Variants in ACTL8 observed in about 807,000 individuals in gnomAD.
ACTL8 encodes actin-like protein 8.
ACTL8 carries 3 observed loss-of-function variants against 9.3 expected under a neutral mutation model. The ratio of observed to expected loss-of-function variants is 0.32; its 90% CI spans 0.15 to 0.83. The LOEUF (loss-of-function observed/expected upper bound fraction) is 0.83. ACTL8 is among the 40% of genes least tolerant of loss of function. The pLI, the probability that ACTL8 is intolerant of heterozygous loss-of-function variation, is 0.57. For missense variants in ACTL8, 381 were observed against 492.2 expected (o/e 0.77, Z 2.14); for synonymous variants, 224 against 205.9 (o/e 1.09, Z -0.75).
intron 1 of ACTL8, among the ~76,000 whole-genome samples, chr1:17,799,437 T>G (rs1180201166): frequency 6.6e-6 from 1 of 152,148 alleles, no homozygotes; most frequent in Non-Finnish European, 1.5e-5. Flanking sequence ...TTATACACTT[T>G]GTCAATTTCC....
At chr1:17,809,418 A>T (rs747013117) in intron 1 of ACTL8, among the ~76,000 whole-genome samples, 2 of 152,088 alleles carry the variant, frequency 1.3e-5, no homozygotes, top group Non-Finnish European at 2.9e-5. Flanking sequence ...AGGCAAACAT[A>T]GGGGCTGAGG....
At chr1:17,822,481 C>T (rs1042912313) in intron 1 of ACTL8, among the ~76,000 whole-genome samples, 1 of 152,198 alleles carries the variant, frequency 6.6e-6, no homozygotes, top group Non-Finnish European at 1.5e-5. Context: ...CCTGTAGCTG[C>T]TGCCATGCTC....
rs140992223 is a variant in ACTL8, at chr1:17,782,994, C to T, written c.-25+27490C>T. On this transcript the variant is annotated intron_variant, in intron 1 of 2. Transcript: ENST00000375406. ...GGCTCACCATGTGTTTGCCAGCACA[C>T]ACCCAGTATGCCAGGCCAGCTGCTG... 1.6e-3 allele frequency among the ~76,000 whole-genome samples: 251 copies of T among 152,338 alleles called. 2 individuals carry two copies. The highest frequency in any genetic ancestry group is 5.5e-3 in the African/African-American group (228 of 41,564).
chr1:17,809,672 C>G (rs142592093), intron 1 of ACTL8, among the ~76,000 whole-genome samples: 1 of 151,806 alleles, frequency 6.6e-6, no homozygotes, highest in African/African-American at 2.4e-5. Flanking sequence ...ATCTAGGTTG[C>G]GTGCTCCTTA....
intron 1 of ACTL8, among the ~76,000 whole-genome samples, chr1:17,762,770 C>G (rs2066015960): frequency 6.6e-6 from 1 of 152,142 alleles, no homozygotes. Context: ...GCCCCCCGCC[C>G]CCCAAGGCCT....
chr1:17,813,613 C>T (rs115700012), intron 1 of ACTL8, among the ~76,000 whole-genome samples: 1,749 of 152,238 alleles, frequency 0.011, 24 homozygotes, highest in African/African-American at 0.04. Flanking sequence ...GCTTTTGGTT[C>T]AAGGTAATAC....
At chr1:17,808,319 G>C (rs573415490) in intron 1 of ACTL8, among the ~76,000 whole-genome samples, 42 of 152,176 alleles carry the variant, frequency 2.8e-4, no homozygotes, top group Non-Finnish European at 3.8e-4. Context: ...AACACACTAA[G>C]GCCTCTACCC....
intron 1 of ACTL8, among the ~76,000 whole-genome samples, chr1:17,820,036 GT>G (rs1178753455): frequency 6.6e-6 from 1 of 152,016 alleles, no homozygotes; most frequent in Non-Finnish European, 1.5e-5. Flanking sequence ...TTTACTAAAA[GT>G]TTACTCTAAA....
intron 1 of ACTL8, among the ~76,000 whole-genome samples, chr1:17,765,657 C>T (rs1321959824): frequency 6.6e-6 from 1 of 152,168 alleles, no homozygotes; most frequent in South Asian, 2.1e-4. Context: ...GTTGCTCCCT[C>T]GTAGCACGTC....
At chr1:17,768,386 G>A (rs2066061229) in intron 1 of ACTL8, among the ~76,000 whole-genome samples, 1 of 83,746 alleles carries the variant, frequency 1.2e-5, no homozygotes, top group Admixed American at 1.6e-4. Flanking sequence ...GTCCTGCCAA[G>A]ACTGCAGTTT....
At chr1:17,795,570 TAAA>T (rs11288030) in intron 1 of ACTL8, among the ~76,000 whole-genome samples, 1 of 151,934 alleles carries the variant, frequency 6.6e-6, no homozygotes. Flanking sequence ...TTAGGAGCAA[TAAA>T]AAAAGAAAAC....
intron 1 of ACTL8, among the ~76,000 whole-genome samples, chr1:17,795,427 G>T (rs989444077): frequency 6.6e-6 from 1 of 152,196 alleles, no homozygotes; most frequent in Non-Finnish European, 1.5e-5. Flanking sequence ...TGCAGGGTTC[G>T]TGTGAGGATT....
chr1:17,819,891 C>T (rs1405212910), intron 1 of ACTL8, among the ~76,000 whole-genome samples: 13 of 151,996 alleles, frequency 8.6e-5, no homozygotes, highest in Admixed American at 2.0e-4. Flanking sequence ...CACCTGTAGC[C>T]CCAGCTACCC....
At chr1:17,758,427 A>G (rs1265725422) in intron 1 of ACTL8, among the ~76,000 whole-genome samples, 2 of 152,208 alleles carry the variant, frequency 1.3e-5, no homozygotes, top group African/African-American at 2.4e-5. Context: ...GGTAGCCAAA[A>G]CCTGGCAATT....
chr1:17,775,334 G>C (rs935279966), intron 1 of ACTL8, among the ~76,000 whole-genome samples: 1 of 151,722 alleles, frequency 6.6e-6, no homozygotes, highest in African/African-American at 2.4e-5. Flanking sequence ...TTGACTCCTG[G>C]GGCCTGAGTC....
chr1:17,784,278 G>T (rs543241758), intron 1 of ACTL8, among the ~76,000 whole-genome samples: 2 of 152,262 alleles, frequency 1.3e-5, no homozygotes, highest in East Asian at 3.9e-4. Context: ...GATCTCATGA[G>T]AACTCACTAT....
intron 1 of ACTL8, among the ~76,000 whole-genome samples, chr1:17,776,668 T>G (rs2102681026): frequency 6.6e-6 from 1 of 152,298 alleles, no homozygotes; most frequent in South Asian, 2.1e-4. Context: ...AACTTGGCAG[T>G]GTCACATACG....
At chr1:17,783,748 C>T (rs560328429) in intron 1 of ACTL8, among the ~76,000 whole-genome samples, 14 of 152,328 alleles carry the variant, frequency 9.2e-5, no homozygotes, top group Non-Finnish European at 1.6e-4. Context: ...GGAAGGGCTC[C>T]GTTTTCTGGG....
rs113004484 is a variant in ACTL8 at position 17,804,606 on chromosome 1, CT to C, written c.-24-18366del. On this transcript the variant is annotated intron_variant, in intron 1 of 2. Transcript: ENST00000375406. The stretch of plus-strand genomic sequence containing the variant: ...GTCTTCCTTTCATCTTTGTCCCCAT[CT>C]TTTTTTTTTTTTCTTTTGAAATGGA... Among the ~76,000 whole-genome samples the C allele has an allele frequency of 5.0e-3, 717 of 144,358 alleles. 12 individuals carry two copies. In the East Asian group the frequency reaches 0.062, roughly 12 times the overall value. The allele number at this position is 144,358 out of a possible 152,430, so 94.7% of individuals were successfully genotyped here.
Sources: gnomAD v4.1 joint callset for allele counts (sites outside exome capture counted in the v4.1 genomes callset) on GRCh38, gnomAD v4.1.1 for gene constraint, MANE v1.5 for transcripts, NCBI Gene and HGNC (gene_info 2026-07-23, HGNC 2026-07-21) for gene names.